The following DGKB variants were observed in gnomAD, a reference collection of about 807,000 sequenced individuals.
The protein encoded by DGKB is diacylglycerol kinase beta.
DGKB carries 67 observed loss-of-function variants against 114.3 expected under a neutral mutation model. That is an observed-to-expected ratio of 0.59 (90% CI 0.48 to 0.72). The LOEUF is 0.72. Ranked by LOEUF, DGKB falls within the 30% of genes least tolerant of loss-of-function variation. The pLI is 0.00. For synonymous variants in DGKB, 398 were observed against 323.1 expected (o/e 1.23, Z -2.49); for missense variants, 907 against 975.2 (o/e 0.93, Z 0.93).
intron 20 of DGKB, among the ~76,000 whole-genome samples, chr7:14,494,046 T>C (rs1287960911): frequency 6.6e-6 from 1 of 151,928 alleles, no homozygotes; most frequent in Non-Finnish European, 1.5e-5. Context: ...ATTACATGTA[T>C]GGCCAAAATG....
intron 8 of DGKB, among the ~76,000 whole-genome samples, chr7:14,696,937 G>A (rs1210840968): frequency 6.6e-6 from 1 of 152,182 alleles, no homozygotes; most frequent in Non-Finnish European, 1.5e-5. Context: ...CCGCATAGAT[G>A]TGAACAGAGG....
chr7:14,438,733 T>G (rs1038134310), intron 21 of DGKB, among the ~76,000 whole-genome samples: 6 of 152,124 alleles, frequency 3.9e-5, no homozygotes, highest in Admixed American at 3.9e-4. Flanking sequence ...CTAGCAATCT[T>G]AGTAAGTGTT....
chr7:14,757,569 CAT>C, intron 3 of DGKB, 84 bp downstream of exon 3: 1 of 746,470 alleles, frequency 1.3e-6, no homozygotes. Context: ...CACACACACA[CAT>C]ACATTTTTCC....
intron 18 of DGKB, among the ~76,000 whole-genome samples, chr7:14,582,080 T>C (rs1458859663): frequency 1.3e-5 from 2 of 152,220 alleles, no homozygotes; most frequent in Admixed American, 6.5e-5. Context: ...GTTTTCTGCA[T>C]TGACTAAATA....
chr7:14,727,369 G>A (rs975968231), intron 5 of DGKB, among the ~76,000 whole-genome samples: 1 of 152,006 alleles, frequency 6.6e-6, no homozygotes. Context: ...TTAAAAACAG[G>A]ACCACAAAAT....
At chr7:14,510,658 A>T (rs1251421457) in intron 20 of DGKB, among the ~76,000 whole-genome samples, 1 of 152,096 alleles carries the variant, frequency 6.6e-6, no homozygotes, top group Non-Finnish European at 1.5e-5. Flanking sequence ...CCTTAATAGC[A>T]TCTAGAATGG....
chr7:14,423,428 G>C (rs193133920), intron 21 of DGKB, among the ~76,000 whole-genome samples: 26 of 151,922 alleles, frequency 1.7e-4, no homozygotes, highest in African/African-American at 6.3e-4. Context: ...GGTTTTAAAC[G>C]GTCTCCTAAC....
chr7:14,166,198 G>A (rs755639173), intron 25 of DGKB, among the ~76,000 whole-genome samples: 3 of 152,070 alleles, frequency 2.0e-5, no homozygotes, highest in Non-Finnish European at 4.4e-5. Context: ...ATCATTACTC[G>A]CCTATAGAAA....
chr7:14,528,535 T>C (rs949192415), intron 20 of DGKB, among the ~76,000 whole-genome samples: 2 of 152,118 alleles, frequency 1.3e-5, no homozygotes, highest in African/African-American at 2.4e-5. Context: ...TGATTAGTCA[T>C]TGAACTACAT....
chr7:14,382,660 T>A (rs185353310), intron 21 of DGKB, among the ~76,000 whole-genome samples: 1 of 152,172 alleles, frequency 6.6e-6, no homozygotes, highest in Non-Finnish European at 1.5e-5. Context: ...GAGAACCCAA[T>A]AGGTAACTTT....
At chr7:14,663,572 T>C (rs1817521114) in intron 13 of DGKB, among the ~76,000 whole-genome samples, 1 of 151,646 alleles carries the variant, frequency 6.6e-6, no homozygotes, top group South Asian at 2.1e-4. Flanking sequence ...TCCTTCTTTC[T>C]CTTCTTCCTT....
intron 23 of DGKB, among the ~76,000 whole-genome samples, chr7:14,317,628 A>G (rs1316502169): frequency 7.9e-6 from 1 of 125,964 alleles, no homozygotes; most frequent in Non-Finnish European, 1.7e-5. Context: ...GCTCAAGGAA[A>G]TAAAAGAGGA....
At chr7:14,228,544 G>T (rs943861352) in intron 23 of DGKB, among the ~76,000 whole-genome samples, 1 of 151,608 alleles carries the variant, frequency 6.6e-6, no homozygotes, top group African/African-American at 2.4e-5. Flanking sequence ...ACTCGCACCC[G>T]CACACACACT....
chr7:14,283,371 C>T (rs1376920251), intron 23 of DGKB, among the ~76,000 whole-genome samples: 2 of 150,656 alleles, frequency 1.3e-5, no homozygotes, highest in East Asian at 3.9e-4. Context: ...AGAGGATACA[C>T]ACAAATGGAA....
At position 14,156,860 on chromosome 7, in the gene DGKB, T is replaced by C. The variant is rs186527958; in HGVS notation, c.2305-7622A>G. On this transcript the variant is annotated intron_variant, in intron 25 of 25. Coordinates refer to ENST00000402815, the MANE Select transcript of DGKB (RefSeq NM_001350709.2). Reference sequence around the variant, plus strand: ...ATTCTGTGGAAATTCTGAATTAGAATGTATACTAACATTCCTCAATTTTGA... The same window carrying C: ...ATTCTGTGGAAATTCTGAATTAGAACGTATACTAACATTCCTCAATTTTGA... 2.5e-3 allele frequency among the ~76,000 whole-genome samples: 379 copies of C among 152,306 alleles called. 2 individuals carry two copies. The highest frequency in any genetic ancestry group is 3.5e-3 in the Non-Finnish European group (237 of 68,010).
At chr7:14,676,603 C>A (rs1167834576) in intron 12 of DGKB, among the ~76,000 whole-genome samples, 2 of 151,888 alleles carry the variant, frequency 1.3e-5, no homozygotes, top group East Asian at 1.9e-4. Flanking sequence ...AAGTGAATAT[C>A]ATCAACAATA....
intron 2 of DGKB, among the ~76,000 whole-genome samples, chr7:14,772,602 G>T (rs865852253): frequency 6.6e-6 from 1 of 152,172 alleles, no homozygotes; most frequent in Non-Finnish European, 1.5e-5. Flanking sequence ...ATAAAATAAT[G>T]TAGCTATTGG....
At chr7:14,915,958 A>G (rs1784218983) in intron 1 of DGKB, among the ~76,000 whole-genome samples, 1 of 152,124 alleles carries the variant, frequency 6.6e-6, no homozygotes, top group African/African-American at 2.4e-5. Flanking sequence ...ATTCTTAATT[A>G]ATCTAATAGA....
chr7:14,327,694 C>T (rs1220500029), intron 23 of DGKB, among the ~76,000 whole-genome samples: 1 of 152,090 alleles, frequency 6.6e-6, no homozygotes, highest in Non-Finnish European at 1.5e-5. Flanking sequence ...CTCCTTGCTT[C>T]CCACTAGACT....
Sources: gnomAD v4.1 joint callset for allele counts (sites outside exome capture counted in the v4.1 genomes callset) on GRCh38, gnomAD v4.1.1 for gene constraint, MANE v1.5 for transcripts, NCBI Gene and HGNC (gene_info 2026-07-23, HGNC 2026-07-21) for gene names.